The following TNFRSF13B variants were observed in gnomAD, a reference collection of about 807,000 sequenced individuals.
The protein encoded by TNFRSF13B is tumor necrosis factor receptor superfamily member 13B.
A neutral mutation model predicts 24.0 loss-of-function variants in TNFRSF13B; 34 were observed. That is an observed-to-expected ratio of 1.41 (90% confidence interval 1.08 to 1.88). The LOEUF (loss-of-function observed/expected upper bound fraction) is 1.88. Ranked by LOEUF, TNFRSF13B falls within the 40% of genes most tolerant of loss-of-function variation. The pLI, the probability that TNFRSF13B is intolerant of heterozygous loss-of-function variation, is 0.00. For missense variants in TNFRSF13B, 415 were observed against 380.8 expected (o/e 1.09, Z -0.75); for synonymous variants, 173 against 150.3 (o/e 1.15, Z -1.10).
intron 1 of TNFRSF13B, among the ~76,000 whole-genome samples, chr17:16,968,747 A>G (rs1324545529): frequency 6.6e-6 from 1 of 152,260 alleles, no homozygotes; most frequent in African/African-American, 2.4e-5. Context: ...CAAATCATGA[A>G]GAAAGTAAAA....
At chr17:16,939,834 G>T (rs1167414907) in intron 4 of TNFRSF13B, 37 bp from the exon 5 acceptor site, 1 of 1,599,594 alleles carries the variant, frequency 6.3e-7, no homozygotes, top group South Asian at 1.1e-5. Context: ...GGCCAGGCCT[G>T]GCCCTGCACT....
In TNFRSF13B at chr17:16,939,412, T is replaced by A; in HGVS notation, c.*135A>T. On this transcript the variant is annotated 3_prime_UTR_variant, in exon 5 of 5. Transcript: ENST00000261652. ...CTCCCTCTGTCTCTCTCTCCCTCTC[T>A]GTCTCCTCTGTTTCTCTCCCTCTCT... is the stretch of plus-strand genomic sequence containing the variant. 2 of 1,071,628 alleles carry A rather than the reference T, an allele frequency of 1.9e-6. No homozygotes were observed. The highest frequency in any genetic ancestry group is 2.7e-5 in the East Asian group (1 of 36,602). The allele number at this position is 1,071,628 out of a possible 1,614,324, so 66.4% of individuals were successfully genotyped here.
At chr17:16,955,994 C>A (rs559711651) in intron 1 of TNFRSF13B, among the ~76,000 whole-genome samples, 4 of 152,214 alleles carry the variant, frequency 2.6e-5, no homozygotes, top group African/African-American at 9.6e-5. Context: ...ACTGAGGGGC[C>A]GGCACAAAGG....
At chr17:16,959,583 G>A (rs2087647705) in intron 1 of TNFRSF13B, among the ~76,000 whole-genome samples, 1 of 151,816 alleles carries the variant, frequency 6.6e-6, no homozygotes, top group Non-Finnish European at 1.5e-5. Context: ...CAAACCTTTA[G>A]GTAGACTGAC....
chr17:16,945,034 G>A (rs1248530502), intron 3 of TNFRSF13B, among the ~76,000 whole-genome samples: 1 of 152,176 alleles, frequency 6.6e-6, no homozygotes, highest in Non-Finnish European at 1.5e-5. Context: ...GCCCATGCAG[G>A]CATCAGAAGT....
chr17:16,954,860 G>A (rs1420287988), intron 1 of TNFRSF13B, among the ~76,000 whole-genome samples: 1 of 152,196 alleles, frequency 6.6e-6, no homozygotes. Context: ...GGGTAGCAAC[G>A]TGGTCCTTCC....
intron 1 of TNFRSF13B, among the ~76,000 whole-genome samples, chr17:16,969,648 A>G (rs2087730026): frequency 6.6e-6 from 1 of 152,232 alleles, no homozygotes; most frequent in South Asian, 2.1e-4. Context: ...ACAGACTTGT[A>G]TGCTTTACAC....
chr17:16,969,809 C>T (rs1305242205), intron 1 of TNFRSF13B, among the ~76,000 whole-genome samples: 2 of 152,142 alleles, frequency 1.3e-5, no homozygotes, highest in African/African-American at 2.4e-5. Context: ...TCTGACTATA[C>T]TATCTATTCA....
intron 1 of TNFRSF13B, among the ~76,000 whole-genome samples, chr17:16,964,692 G>A (rs545235340): frequency 3.9e-5 from 6 of 152,230 alleles, no homozygotes; most frequent in Non-Finnish European, 7.4e-5. Flanking sequence ...TGGGAAAACT[G>A]GTCAAGTCAC....
intron 1 of TNFRSF13B, among the ~76,000 whole-genome samples, 172 bp from the exon 2 acceptor site, chr17:16,952,755 G>A (rs2087598808): frequency 6.6e-6 from 1 of 152,168 alleles, no homozygotes; most frequent in Non-Finnish European, 1.5e-5. Flanking sequence ...ACTTGCTAGG[G>A]GCCTGGGGCA....
rs755752100 is a variant in TNFRSF13B, at chr17:16,939,675, CG to C, written c.753del (p.Asp252ThrfsTer72). ...TQESAVTPGT[P>X]DPTCAGRWGC... Reference sequence around the variant, plus strand: ...CCCCACCTTCCAGCACAAGTGGGGTCGGGGGTCCCAGGCGTGACTGCGCTCT... The same window carrying C: ...CCCCACCTTCCAGCACAAGTGGGGTCGGGGTCCCAGGCGTGACTGCGCTCT... On this transcript the variant is annotated frameshift_variant, in exon 5 of 5. Coordinates refer to ENST00000261652, the MANE Select transcript of TNFRSF13B (RefSeq NM_012452.3). LOFTEE classifies it low-confidence loss of function (END_TRUNC). 6.2e-7 allele frequency: 1 copy of C among 1,611,232 alleles called. No individual in the cohort carries two copies. The highest frequency in any genetic ancestry group is 1.7e-5 in the Admixed American group (1 of 59,858).
chr17:16,965,536 A>G (rs1456863767), intron 1 of TNFRSF13B, among the ~76,000 whole-genome samples: 1 of 152,216 alleles, frequency 6.6e-6, no homozygotes, highest in Non-Finnish European at 1.5e-5. Flanking sequence ...AGACTTGCGG[A>G]AGGAAAAGCA....
chr17:16,959,410 A>G (rs1229204562), intron 1 of TNFRSF13B, among the ~76,000 whole-genome samples: 2 of 151,338 alleles, frequency 1.3e-5, no homozygotes, highest in African/African-American at 4.9e-5. Context: ...TAACCTAATT[A>G]TATACCTTGA....
intron 3 of TNFRSF13B, chr17:16,941,525 G>A (rs994541390): frequency 3.0e-6 from 3 of 987,616 alleles, no homozygotes; most frequent in Non-Finnish European, 3.6e-6. Flanking sequence ...ACGTCAAGAA[G>A]AGCGAGTCCC....
intron 1 of TNFRSF13B, among the ~76,000 whole-genome samples, chr17:16,963,108 G>C (rs1372775051): frequency 1.3e-5 from 2 of 152,142 alleles, no homozygotes; most frequent in African/African-American, 4.8e-5. Context: ...TTCTGCTCTT[G>C]GACACCCAGC....
rs765245909 is a variant in TNFRSF13B at position 16,948,976 on chromosome 17, G to A, written c.207C>T (p.Leu69=). ...QRTCAAFCRS[L]SCRKEQGKFY... ...ACTTGCCTTGCTCCTTGCGGCAGCT[G>A]AGTGACCCTGGGAGAGAGAAATTCA... Residue 69 remains leucine, a synonymous_variant, in exon 3 of 5, where the codon CTC becomes CTT. Transcript: ENST00000261652. 6.2e-7 allele frequency: 1 copy of A among 1,614,060 alleles called. No homozygotes were observed. The highest frequency in any genetic ancestry group is 1.3e-5 in the African/African-American group (1 of 75,028).
In TNFRSF13B at chr17:16,948,917, C is replaced by T. The variant is rs746779126; in HGVS notation, c.266G>A (p.Cys89Tyr). 1.9e-5 allele frequency: 30 copies of T among 1,614,104 alleles called. No individual in the cohort carries two copies. Among genetic ancestry groups the T allele is most frequent in the Non-Finnish European group, 2.5e-5 (29 of 1,180,050 alleles). The change falls in exon 3 of 5, where the codon TGT becomes TAT. Residue 89 changes from cysteine (C) to tyrosine (Y), a missense_variant. By Grantham distance (194) the Cys-to-Tyr change is radical (BLOSUM62 -2). Transcript: ENST00000261652. ...AGGGTGCTGTCCACAGATGGAGGCA[C>T]AGCTGATGCAGTCCCTCAGGAGATG... is the stretch of plus-strand genomic sequence containing the variant. ...YDHLLRDCISCASICGQHPKQ... is the reference protein window; with the variant it reads ...YDHLLRDCISYASICGQHPKQ...
At chr17:16,948,029 G>GT (rs1388578931) in intron 3 of TNFRSF13B, among the ~76,000 whole-genome samples, 4 of 152,164 alleles carry the variant, frequency 2.6e-5, no homozygotes, top group Admixed American at 6.5e-5. Flanking sequence ...AGAAAAATAC[G>GT]TTTTTTGCAG....
chr17:16,965,826 A>C (rs2087694886), intron 1 of TNFRSF13B, among the ~76,000 whole-genome samples: 1 of 152,270 alleles, frequency 6.6e-6, no homozygotes, highest in Admixed American at 6.5e-5. Context: ...AAAAACATGT[A>C]AATTTAATAG....
Sources: allele counts gnomAD v4.1 joint callset (sites outside exome capture counted in the v4.1 genomes callset), GRCh38; gene constraint gnomAD v4.1.1; transcripts MANE v1.5; gene names NCBI Gene and HGNC (gene_info 2026-07-23, HGNC 2026-07-21).